MTHFD2L: variants seen among roughly 807,000 people sequenced by gnomAD.
MTHFD2L encodes the protein bifunctional methylenetetrahydrofolate dehydrogenase/cyclohydrolase 2, mitochondrial.
Under a neutral mutation model 34.9 loss-of-function variants are expected in MTHFD2L, and 29 were observed. That is an observed-to-expected ratio of 0.83 (90% CI 0.62 to 1.13). The LOEUF is 1.13. MTHFD2L is among the 50% of genes most tolerant of loss of function. The probability of loss-of-function intolerance (pLI) is 0.00; values close to 1 mark genes in which losing one functional copy is unlikely to be tolerated. For missense variants in MTHFD2L, 481 were observed against 446.5 expected (o/e 1.08, Z -0.70); for synonymous variants, 167 against 155.7 (o/e 1.07, Z -0.54).
chr4:74,203,936 A>G (rs1271894350), intron 5 of MTHFD2L, among the ~76,000 whole-genome samples: 1 of 151,916 alleles, frequency 6.6e-6, no homozygotes, highest in African/African-American at 2.4e-5. Flanking sequence ...TTTTATCTGT[A>G]ACATAACAAG....
At chr4:74,180,794 C>T (rs751587355) in intron 3 of MTHFD2L, 22 of 386,296 alleles carry the variant, frequency 5.7e-5, no homozygotes, top group Non-Finnish European at 1.1e-4. Flanking sequence ...TAAAAATGAC[C>T]GAATGCAGAT....
chr4:74,150,180 C>T lies in MTHFD2L; in HGVS notation c.-296-9875C>T, dbSNP rs551420417. 1.4e-4 allele frequency among the ~76,000 whole-genome samples: 21 copies of T among 152,252 alleles called. No individual in the cohort carries two copies. In the South Asian group the frequency reaches 3.5e-3, roughly 26 times the overall value. On this transcript the variant is annotated intron_variant, in intron 1 of 7. Coordinates refer to the MTHFD2L transcript ENST00000433372. ...TTAGAGCCTCCAGAAGGAATACAACCCTAATTGACTATAGCCCTGTGAGAC... is the reference window on the plus strand; with the variant it reads ...TTAGAGCCTCCAGAAGGAATACAACTCTAATTGACTATAGCCCTGTGAGAC...
chr4:74,115,796 C>A (rs143123051), intron 2 of MTHFD2L, among the ~76,000 whole-genome samples: 1 of 152,248 alleles, frequency 6.6e-6, no homozygotes, highest in East Asian at 1.9e-4. Flanking sequence ...TAGCTATTAT[C>A]GATAGCTGAA....
chr4:74,181,664 CT>C (rs1253466854), intron 3 of MTHFD2L: 2 of 152,154 alleles, frequency 1.3e-5, no homozygotes, highest in African/African-American at 4.8e-5. Flanking sequence ...TAAACTCTAT[CT>C]ATTTCAAATG....
rs1251642979 is a variant in MTHFD2L, at chr4:74,185,044, C to T, written c.451+9641C>T. Among the ~76,000 whole-genome samples, 4 of 148,652 alleles carry T rather than the reference C, an allele frequency of 2.7e-5. No individual in the cohort carries two copies. In the East Asian group the frequency reaches 6.1e-4, roughly 23 times the overall value. ...GCAGATGCCTGTAGGCCCAGCTACT[C>T]GGGAGGCTGAGGCAGGAGAATGTCC... On this transcript the variant is annotated intron_variant, in intron 3 of 7. Coordinates refer to ENST00000325278, the MANE Select transcript of MTHFD2L (RefSeq NM_001144978.3).
At chr4:74,163,415 G>A (rs2109906279) in intron 1 of MTHFD2L, among the ~76,000 whole-genome samples, 2 of 152,310 alleles carry the variant, frequency 1.3e-5, no homozygotes, top group South Asian at 4.1e-4. Context: ...TAGCATCTAA[G>A]GTTCTTTCTG....
At chr4:74,268,958 T>C (rs577614932) in intron 6 of MTHFD2L, among the ~76,000 whole-genome samples, 11 of 152,316 alleles carry the variant, frequency 7.2e-5, no homozygotes, top group African/African-American at 1.4e-4. Flanking sequence ...GCAACATTGG[T>C]GATTTATTTT....
At chr4:74,175,708 A>G (rs1253912041) in intron 3 of MTHFD2L, among the ~76,000 whole-genome samples, 1 of 152,114 alleles carries the variant, frequency 6.6e-6, no homozygotes, top group Non-Finnish European at 1.5e-5. Flanking sequence ...AAAGGTAAAA[A>G]TAACAATTTT....
chr4:74,276,631 A>T (rs28740836), intron 6 of MTHFD2L, among the ~76,000 whole-genome samples: 4,509 of 152,200 alleles, frequency 0.03, 174 homozygotes, highest in African/African-American at 0.086. Flanking sequence ...ACAAGAATTT[A>T]TATTGCATTT....
chr4:74,173,582 A>G (rs960763497), intron 1 of MTHFD2L, among the ~76,000 whole-genome samples: 6 of 152,170 alleles, frequency 3.9e-5, no homozygotes, highest in Admixed American at 2.0e-4. Context: ...TATGAAGCTC[A>G]TGACTTCAGA....
At chr4:74,181,547 A>G (rs564180405) in intron 3 of MTHFD2L, 23 of 152,306 alleles carry the variant, frequency 1.5e-4, no homozygotes, top group South Asian at 4.2e-4. Flanking sequence ...TCACAGTCCT[A>G]CAGCAGAAAT....
intron 3 of MTHFD2L, chr4:74,180,683 T>G: frequency 2.2e-6 from 1 of 454,814 alleles, no homozygotes; most frequent in Admixed American, 2.4e-5. Flanking sequence ...TTGTTTATGT[T>G]CAGAAGCTGT....
chr4:74,176,529 A>G (rs1729073189), intron 3 of MTHFD2L, among the ~76,000 whole-genome samples: 1 of 151,986 alleles, frequency 6.6e-6, no homozygotes, highest in Non-Finnish European at 1.5e-5. Context: ...TCTGGGAAAC[A>G]TGGAGAAAAC....
At chr4:74,167,911 T>C (rs6824352) in intron 1 of MTHFD2L, among the ~76,000 whole-genome samples, 117,249 of 152,034 alleles carry the variant, frequency 0.77, 50,814 homozygotes, top group Non-Finnish European at 0.95. Flanking sequence ...TCTGTTTTTC[T>C]TTTTTTCATA....
In MTHFD2L at chr4:74,262,122, CATT is replaced by C. The variant is rs549072759; in HGVS notation, c.806-19301_806-19299del. Among the ~76,000 whole-genome samples, 14 of 151,946 alleles carry C rather than the reference CATT, an allele frequency of 9.2e-5. No individual in the cohort carries two copies. In the South Asian group the frequency reaches 2.9e-3, roughly 31 times the overall value. ...TGAATCTATGTAAATAGGGTAGTGTCATTAAACACTGGGGAAAAACTAAATACT... is the reference window on the plus strand; with the variant it reads ...TGAATCTATGTAAATAGGGTAGTGTCAAACACTGGGGAAAAACTAAATACT... On this transcript the variant is annotated intron_variant, in intron 6 of 7. Transcript: ENST00000325278.
chr4:74,157,911 C>A (rs1006059476), upstream of MTHFD2L: 12 of 714,296 alleles, frequency 1.7e-5, no homozygotes, highest in Non-Finnish European at 2.7e-5. Flanking sequence ...CTCAGAGGGC[C>A]CGGGACTTGG....
At chr4:74,274,012 A>ATTTTTTTT (rs545489038) in intron 6 of MTHFD2L, among the ~76,000 whole-genome samples, 1 of 150,242 alleles carries the variant, frequency 6.7e-6, no homozygotes, top group Non-Finnish European at 1.5e-5. Flanking sequence ...GAACAGTTTG[A>ATTTTTTTT]TTTTTTTTTT....
chr4:74,148,222 C>T (rs1723713601), intron 1 of MTHFD2L, among the ~76,000 whole-genome samples: 1 of 151,998 alleles, frequency 6.6e-6, no homozygotes, highest in Non-Finnish European at 1.5e-5. Flanking sequence ...TCAGCTTCTA[C>T]TTTTGTATAG....
intron 1 of MTHFD2L, among the ~76,000 whole-genome samples, chr4:74,167,671 G>A (rs1727007946): frequency 6.6e-6 from 1 of 152,200 alleles, no homozygotes; most frequent in Non-Finnish European, 1.5e-5. Flanking sequence ...AGGGAAGGAA[G>A]AGTGTTTCAG....
Sources: gnomAD v4.1 joint callset for allele counts (sites outside exome capture counted in the v4.1 genomes callset) on GRCh38, gnomAD v4.1.1 for gene constraint, MANE v1.5 for transcripts, NCBI Gene and HGNC (gene_info 2026-07-23, HGNC 2026-07-21) for gene names.